TMC3: variants seen among roughly 807,000 people sequenced by gnomAD.
TMC3 encodes the protein transmembrane channel like 3.
TMC3 carries 98 observed loss-of-function variants against 110.6 expected under a neutral mutation model. The observed-to-expected ratio is 0.89, with a 90% CI of 0.75 to 1.05. TMC3 has a LOEUF of 1.05. Among genes scored for constraint, TMC3 ranks in the 50% least tolerant of loss-of-function variants. The pLI is 0.00. For missense variants in TMC3, 1,319 were observed against 1,373.2 expected (o/e 0.96, Z 0.62); for synonymous variants, 489 against 513.1 (o/e 0.95, Z 0.63).
intron 17 of TMC3, 96 bp downstream of exon 17, chr15:81,339,298 A>T: frequency 1.1e-6 from 1 of 949,648 alleles, no homozygotes; most frequent in Non-Finnish European, 1.7e-6. Context: ...TATCCTGTTT[A>T]CCTGCTCTGT....
chr15:81,343,069 C>T, intron 15 of TMC3: 1 of 496,582 alleles, frequency 2.0e-6, no homozygotes. Flanking sequence ...GTAGCTTAAA[C>T]ATGGATTATT....
chr15:81,335,045 G>C (rs1893562233), intron 20 of TMC3, 70 bp from the exon 21 acceptor site: 1 of 1,549,236 alleles, frequency 6.5e-7, no homozygotes. Context: ...GATGAGTTGA[G>C]TTGCAAGGGT....
intron 10 of TMC3, among the ~76,000 whole-genome samples, chr15:81,351,465 C>G (rs1243343374): frequency 6.6e-6 from 1 of 151,296 alleles, no homozygotes; most frequent in African/African-American, 2.4e-5. Flanking sequence ...GATTCTCCTG[C>G]CTCAGCCTCC....
intron 4 of TMC3, among the ~76,000 whole-genome samples, chr15:81,360,660 C>G (rs1015291123): frequency 1.3e-5 from 2 of 150,404 alleles, no homozygotes; most frequent in African/African-American, 4.8e-5. Flanking sequence ...TTAGCTGCAC[C>G]CTAGCTGAGT....
chr15:81,344,119 T>C, intron 13 of TMC3, 74 bp from the exon 14 acceptor site: 1 of 1,516,072 alleles, frequency 6.6e-7, no homozygotes, highest in South Asian at 1.2e-5. Context: ...AGGGTGCTCC[T>C]AATCTCTGTT....
intron 16 of TMC3, among the ~76,000 whole-genome samples, chr15:81,341,159 A>C (rs1843202006): frequency 1.3e-5 from 2 of 152,192 alleles, no homozygotes; most frequent in Admixed American, 1.3e-4. Context: ...GGATTATTAA[A>C]CTTCGGCAAA....
At chr15:81,355,605 G>T in intron 9 of TMC3, 120 bp downstream of exon 9, 1 of 729,848 alleles carries the variant, frequency 1.4e-6, no homozygotes, top group East Asian at 2.6e-5. Flanking sequence ...TTATGAGAAA[G>T]GAAGAAAGAA....
At position 81,337,850 on chromosome 15, in the gene TMC3, T is replaced by C. The variant is rs1469587255; in HGVS notation, c.2156A>G (p.Gln719Arg). ...LSNHQLKMQI[Q>R]NARSEDKKKV... is the part of the protein sequence containing the mutation. ...CAAAGTTCATGAAATACTTGCGTTT[T>C]GGATCTGCATTTTGAGCTGGTGGTT... The change falls in exon 19 of 22, where the codon CAA becomes CGA. Residue 719 changes from glutamine to arginine, a missense_variant. Coordinates refer to ENST00000359440, the MANE Select transcript of TMC3 (RefSeq NM_001080532.3). The C allele has an allele frequency of 1.2e-6, 2 of 1,613,452 alleles. No homozygotes were observed. The highest frequency in any genetic ancestry group is 2.7e-5 in the African/African-American group (2 of 74,928).
chr15:81,343,106 T>A lies in TMC3; in HGVS notation c.1715+172A>T, dbSNP rs74028624. ...TCTTTTTAATTTCTTCCTGCAAAATTCTTAGGAAACCATTAATAAAAGTAA... is the reference window on the plus strand; with the variant it reads ...TCTTTTTAATTTCTTCCTGCAAAATACTTAGGAAACCATTAATAAAAGTAA... On this transcript the variant is annotated intron_variant, in intron 15 of 21. Coordinates refer to ENST00000359440, the MANE Select transcript of TMC3 (RefSeq NM_001080532.3). 9.7e-3 allele frequency: 4,731 copies of A among 487,480 alleles called. 202 individuals are homozygous for A. The highest frequency in any genetic ancestry group is 0.083 in the African/African-American group (4,255 of 51,450). 30.2% of individuals were successfully genotyped at this position (487,480 alleles called of 1,614,324 possible).
At chr15:81,372,870 C>CGCGTGT in intron 1 of TMC3, 133 bp from the exon 2 acceptor site, 1 of 554,750 alleles carries the variant, frequency 1.8e-6, no homozygotes, top group Non-Finnish European at 3.2e-6. Flanking sequence ...TGTGTTTGTG[C>CGCGTGT]GTGTGTGTGT....
At position 81,372,598 on chromosome 15, in the gene TMC3, C is replaced by G. The variant is rs148073168; in HGVS notation, c.229G>C (p.Ala77Pro). 14 of 1,613,374 alleles carry G rather than the reference C, an allele frequency of 8.7e-6. No individual in the cohort carries two copies. The African/African-American group carries it at 1.7e-4, about 20-fold the overall frequency. ...RPWTMGQKLR[A>P]LRQAKNIVLK... The stretch of plus-strand genomic sequence containing the variant: ...GGCCATTGAGGCCCTTACCTCAATG[C>G]CCTCAGCTTCTGTCCCATAGTCCAG... Residue 77 changes from alanine (A) to proline (P), a missense_variant, in exon 2 of 22, where the codon GCA becomes CCA. Ala to Pro is a conservative substitution (Grantham distance 27). Coordinates refer to ENST00000359440, the MANE Select transcript of TMC3 (RefSeq NM_001080532.3).
intron 3 of TMC3, among the ~76,000 whole-genome samples, chr15:81,366,786 A>G (rs552819194): frequency 6.6e-5 from 10 of 152,338 alleles, no homozygotes; most frequent in African/African-American, 2.2e-4. Flanking sequence ...GAATGCCAAG[A>G]TGTGTCCTTA....
chr15:81,370,779 A>G (rs1203121026), intron 2 of TMC3, among the ~76,000 whole-genome samples: 1 of 151,568 alleles, frequency 6.6e-6, no homozygotes, highest in Non-Finnish European at 1.5e-5. Flanking sequence ...GGTTCAAGCA[A>G]TTCTCCTGCC....
chr15:81,344,376 T>G (rs1180438903), intron 13 of TMC3, among the ~76,000 whole-genome samples: 1 of 152,134 alleles, frequency 6.6e-6, no homozygotes, highest in Non-Finnish European at 1.5e-5. Context: ...GATAATACCT[T>G]GGGGTTGAGG....
chr15:81,335,958 G>A (rs755686604), intron 20 of TMC3: 8 of 152,356 alleles, frequency 5.3e-5, no homozygotes, highest in Non-Finnish European at 1.2e-4. Flanking sequence ...CCATGGAGAG[G>A]AAGTATACAA....
At chr15:81,343,672 C>T (rs1273957076) in intron 14 of TMC3, among the ~76,000 whole-genome samples, 1 of 151,878 alleles carries the variant, frequency 6.6e-6, no homozygotes, top group African/African-American at 2.4e-5. Flanking sequence ...TGCCTATAGT[C>T]CCAGCTACTC....
intron 15 of TMC3, among the ~76,000 whole-genome samples, chr15:81,342,555 T>C (rs996386484): frequency 6.6e-6 from 1 of 152,238 alleles, no homozygotes; most frequent in African/African-American, 2.4e-5. Context: ...TTTTGCAAAA[T>C]ACAGTGGCTC....
Position 81,333,152 on chromosome 15 carries a change from C to T in TMC3, c.2570G>A (p.Arg857Gln), listed in dbSNP as rs372768783. Residue 857 changes from arginine to glutamine, a missense_variant, in exon 22 of 22, where the codon CGA becomes CAA. Coordinates refer to ENST00000359440, the MANE Select transcript of TMC3 (RefSeq NM_001080532.3). ...AGGGTTGATTTGCTGAAAGTCTTTT[C>T]GGAAAAGAGGTTCTGAGTGTACATC... ...IEDVHSEPLF[R>Q]KDFQQINPPH... 576 of 1,614,012 alleles carry T rather than the reference C, an allele frequency of 3.6e-4. No homozygotes were observed. The highest frequency in any genetic ancestry group is 4.7e-4 in the Non-Finnish European group (549 of 1,179,890).
intron 10 of TMC3, 123 bp downstream of exon 10, chr15:81,351,571 G>A: frequency 8.0e-7 from 1 of 1,249,150 alleles, no homozygotes; most frequent in Non-Finnish European, 1.1e-6. Flanking sequence ...AGGCTGGGCT[G>A]GAACTCCTGA....
Sources: allele counts gnomAD v4.1 joint callset (sites outside exome capture counted in the v4.1 genomes callset), GRCh38; gene constraint gnomAD v4.1.1; transcripts MANE v1.5; gene names NCBI Gene and HGNC (gene_info 2026-07-23, HGNC 2026-07-21).